TET1: variants seen among roughly 807,000 people sequenced by gnomAD.
The protein encoded by TET1 is methylcytosine dioxygenase TET1.
In TET1, 13 loss-of-function variants were observed where a neutral mutation model predicts 148.7. The observed-to-expected ratio is 0.09, with a 90% confidence interval of 0.06 to 0.14. TET1 has a LOEUF of 0.14. Ranked by LOEUF, TET1 falls within the 10% of genes least tolerant of loss-of-function variation. TET1 has a pLI of 1.00. For synonymous variants in TET1, 907 were observed against 937.2 expected (o/e 0.97, Z 0.59); for missense variants, 2,182 against 2,553.8 (o/e 0.85, Z 3.14).
chr10:68,632,769 A>G, intron 3 of TET1: 1 of 1,511,736 alleles, frequency 6.6e-7, no homozygotes. Context: ...AAACGAAGTT[A>G]AGATCAACCA....
intron 1 of TET1, among the ~76,000 whole-genome samples, chr10:68,568,256 CTT>C (rs1428067218): frequency 8.4e-6 from 1 of 119,444 alleles, no homozygotes; most frequent in Non-Finnish European, 1.6e-5. Context: ...GCATTTCACT[CTT>C]GTCACCCAGG....
chr10:68,571,999 C>T (rs1190351673), intron 1 of TET1, among the ~76,000 whole-genome samples: 2 of 152,064 alleles, frequency 1.3e-5, no homozygotes, highest in African/African-American at 2.4e-5. Flanking sequence ...AGCCTGCAGT[C>T]CTAGCTACTT....
chr10:68,684,147 C>T (rs1366101646), intron 10 of TET1, among the ~76,000 whole-genome samples: 1 of 152,082 alleles, frequency 6.6e-6, no homozygotes, highest in East Asian at 1.9e-4. Flanking sequence ...CCACCTACTT[C>T]GGAGGCCAAG....
chr10:68,580,313 A>ATTTTTTTTTTTTTTTTTTT (rs1163318028), intron 2 of TET1, among the ~76,000 whole-genome samples: 2 of 60,400 alleles, frequency 3.3e-5, no homozygotes, highest in Admixed American at 2.6e-4. Context: ...ATTATATTCA[A>ATTTTTTTTTTTTTTTTTTT]TTTTTTTTTT....
chr10:68,590,681 G>A (rs1430153911), intron 2 of TET1, among the ~76,000 whole-genome samples: 1 of 151,838 alleles, frequency 6.6e-6, no homozygotes, highest in Non-Finnish European at 1.5e-5. Flanking sequence ...AAAAACAATT[G>A]GAGGCTGAGG....
chr10:68,565,366 A>G (rs1354992076), intron 1 of TET1, among the ~76,000 whole-genome samples: 1 of 151,400 alleles, frequency 6.6e-6, no homozygotes, highest in African/African-American at 2.4e-5. Context: ...CTGTAGTGCC[A>G]GCTACTTGGG....
intron 3 of TET1, among the ~76,000 whole-genome samples, chr10:68,637,447 T>C (rs1460704318): frequency 2.0e-5 from 3 of 152,102 alleles, no homozygotes; most frequent in Non-Finnish European, 4.4e-5. Context: ...TTTTTGTTGC[T>C]TTTGCCTTAA....
chr10:68,669,360 A>T (rs1026695303), intron 7 of TET1, among the ~76,000 whole-genome samples: 18 of 148,418 alleles, frequency 1.2e-4, no homozygotes, highest in African/African-American at 4.5e-4. Context: ...GCCCAGGTTG[A>T]GTTGCGGTGG....
chr10:68,560,918 CCGGGACGCT>C (rs921493108), intron 1 of TET1, among the ~76,000 whole-genome samples, 176 bp downstream of exon 1: 3 of 152,200 alleles, frequency 2.0e-5, no homozygotes, highest in African/African-American at 7.2e-5. Context: ...ACCCCCCACC[CCGGGACGCT>C]CGGGACGCTT....
At chr10:68,614,496 A>G (rs2054260823) in intron 3 of TET1, among the ~76,000 whole-genome samples, 1 of 152,186 alleles carries the variant, frequency 6.6e-6, no homozygotes, top group South Asian at 2.1e-4. Context: ...CTGAAATGAA[A>G]AAGTATCCTG....
At chr10:68,609,487 G>C (rs76404753) in intron 3 of TET1, among the ~76,000 whole-genome samples, 6,196 of 151,906 alleles carry the variant, frequency 0.041, 164 homozygotes, top group Middle Eastern at 0.071. Context: ...AAAATTTTTT[G>C]CAGAGACCAG....
intron 1 of TET1, among the ~76,000 whole-genome samples, chr10:68,569,943 G>T (rs1445098609): frequency 6.6e-6 from 1 of 151,930 alleles, no homozygotes; most frequent in African/African-American, 2.4e-5. Context: ...AGGTTTAAAG[G>T]ATACTTTAGT....
intron 3 of TET1, among the ~76,000 whole-genome samples, chr10:68,602,491 G>T (rs2054070473): frequency 6.6e-6 from 1 of 152,338 alleles, no homozygotes; most frequent in Middle Eastern, 3.4e-3. Flanking sequence ...ATTATGTGGA[G>T]AAACTAATAC....
Position 68,686,538 on chromosome 10 carries a change from G to A in TET1, c.5235G>A (p.Thr1745=), listed in dbSNP as rs111357606. The A allele has an allele frequency of 3.0e-3, 4,788 of 1,614,130 alleles. 10 individuals carry two copies. Among genetic ancestry groups the A allele is most frequent in the Non-Finnish European group, 3.8e-3 (4,510 of 1,180,032 alleles). ...EVLAPRRKKR[T]CFTQPVPRSG... ...TGGCACCCCGCCGCAAAAAAAGAAC[G>A]TGTTTCACTCAGCCTGTTCCCCGTT... Residue 1745 remains threonine (T), a synonymous_variant, in exon 11 of 12, where the codon ACG becomes ACA. Coordinates refer to ENST00000373644, the MANE Select transcript of TET1 (RefSeq NM_030625.3).
At chr10:68,664,670 A>ATTTTTTTTT in intron 6 of TET1, among the ~76,000 whole-genome samples, 1 of 99,546 alleles carries the variant, frequency 1.0e-5, no homozygotes, top group Non-Finnish European at 1.9e-5. Context: ...CCCAGCCTGC[A>ATTTTTTTTT]TTTTTTTTTT....
rs888374638 is a variant in TET1 at position 68,572,501 on chromosome 10, G to C, written c.163G>C (p.Glu55Gln). 1 of 1,613,658 alleles carries C rather than the reference G, an allele frequency of 6.2e-7. No individual in the cohort carries two copies. The highest frequency in any genetic ancestry group is 1.3e-5 in the African/African-American group (1 of 74,970). ...TGGAAAATTAAAGCAATTAATTCAA[G>C]AAAGAGATGTTAAGAAAAAAACAGA... Reference protein sequence around the residue: ...SPGKLKQLIQERDVKKKTEPK... With the variant: ...SPGKLKQLIQQRDVKKKTEPK... Residue 55 changes from glutamate (E) to glutamine (Q), a missense_variant, in exon 2 of 12, where the codon GAA (glutamate) becomes CAA (glutamine). Transcript: ENST00000373644.
At chr10:68,607,407 AG>A (rs2054139788) in intron 3 of TET1, among the ~76,000 whole-genome samples, 1 of 109,302 alleles carries the variant, frequency 9.1e-6, no homozygotes, top group Admixed American at 9.6e-5. Flanking sequence ...TTGGATCTTA[AG>A]TTTTTTTTTT....
intron 3 of TET1, among the ~76,000 whole-genome samples, chr10:68,610,047 G>A (rs2054184067): frequency 6.6e-6 from 1 of 152,114 alleles, no homozygotes; most frequent in Admixed American, 6.6e-5. Flanking sequence ...ACTGTGGGAG[G>A]CCGAGACAGG....
chr10:68,586,021 T>A (rs181223143), intron 2 of TET1, among the ~76,000 whole-genome samples: 2,971 of 131,092 alleles, frequency 0.023, 92 homozygotes, highest in African/African-American at 0.075. Context: ...AAAAAAAAAA[T>A]TTTTTTTTGA....
Sources: allele counts gnomAD v4.1 joint callset (sites outside exome capture counted in the v4.1 genomes callset), GRCh38; gene constraint gnomAD v4.1.1; transcripts MANE v1.5; gene names NCBI Gene and HGNC (gene_info 2026-07-23, HGNC 2026-07-21).